Variants in ABCA6 observed in about 807,000 individuals in gnomAD.
ABCA6 encodes the protein ATP binding cassette subfamily A member 6, also known as ATP-binding cassette sub-family A member 6.
In ABCA6, 164 loss-of-function variants were observed where a neutral mutation model predicts 191.2. The ratio of observed to expected loss-of-function variants is 0.86; its 90% CI spans 0.76 to 0.98. The LOEUF (loss-of-function observed/expected upper bound fraction) is 0.98. Ranked by LOEUF, ABCA6 falls within the 50% of genes least tolerant of loss-of-function variation. The pLI is 0.00. For missense variants in ABCA6, 1,958 were observed against 1,894.1 expected, an observed-to-expected ratio of 1.03 and a Z score of -0.63; for synonymous variants, 636 against 647.7, an observed-to-expected ratio of 0.98 and a Z score of 0.27.
At chr17:69,124,765 T>C (rs977472169) in intron 9 of ABCA6, 123 bp downstream of exon 9, 11 of 518,836 alleles carry the variant, frequency 2.1e-5, no homozygotes, top group South Asian at 5.8e-5. Context: ...GTAGAAATAA[T>C]GAACTTATTA....
At chr17:69,079,159 G>T (rs372078713) in intron 38 of ABCA6, 51 bp downstream of exon 38, 9 of 1,581,406 alleles carry the variant, frequency 5.7e-6, no homozygotes, top group Non-Finnish European at 7.8e-6. Context: ...AATGCATGTT[G>T]CTTTCATGTG....
At position 69,106,026 on chromosome 17, in the gene ABCA6, A is replaced by C; in HGVS notation, c.2573+2T>G. ...ACAAAACCACAGTACTCTCCTACTC[A>C]CAGGGTCAATAACACTTTAGTTTGA... On this transcript the variant is annotated splice_donor_variant, in intron 19 of 38. Coordinates refer to ENST00000284425, the MANE Select transcript of ABCA6 (RefSeq NM_080284.3). LOFTEE classifies it high-confidence loss of function. 1 of 1,605,544 alleles carries C rather than the reference A, an allele frequency of 6.2e-7. No homozygotes were observed. The highest frequency in any genetic ancestry group is 8.5e-7 in the Non-Finnish European group (1 of 1,176,306).
Position 69,085,634 on chromosome 17 carries a change from AGTTGGC to A in ABCA6, c.4014_4019del (p.Lys1338_Thr1340delinsAsn), listed in dbSNP as rs1449425501. ...ACCATTTCCTCACTACCTCTCCAGC[AGTTGGC>A]TTTGTGATCCCAGATATCATTCTAA... On this transcript the variant is annotated inframe_deletion, in exon 31 of 39. Coordinates refer to ENST00000284425, the MANE Select transcript of ABCA6 (RefSeq NM_080284.3). 6.2e-7 allele frequency: 1 copy of A among 1,611,324 alleles called. No homozygotes were observed. The highest frequency in any genetic ancestry group is 1.1e-5 in the South Asian group (1 of 90,830).
rs2072912708 is a variant in ABCA6, at chr17:69,091,148, C to T, written c.3523G>A (p.Glu1175Lys). ...CAGTTGGTAACATTTCTTACCACTT[C>T]CAAAAAAGTTTTAAATCCAAGCAAG... ...YTLLGFKTFL[E>K]VRDQEHYREF... Residue 1175 changes from glutamate to lysine, a missense_variant, in exon 26 of 39, where the codon GAA becomes AAA. Glu to Lys is a moderately conservative substitution (Grantham distance 56). Transcript: ENST00000284425. The T allele has an allele frequency of 1.2e-6, 2 of 1,606,142 alleles. No homozygotes were observed. The highest frequency in any genetic ancestry group is 1.7e-6 in the Non-Finnish European group (2 of 1,177,470).
In ABCA6 at chr17:69,113,306, C is replaced by T; in HGVS notation, c.1957G>A (p.Val653Met). Residue 653 changes from valine (V) to methionine (M), a missense_variant, in exon 15 of 39, where the codon GTG becomes ATG. By Grantham distance (21) the Val-to-Met change is conservative. Coordinates refer to ENST00000284425, the MANE Select transcript of ABCA6 (RefSeq NM_080284.3). ...TGLDPFSRDQ[V>M]WSLLRERRAD... ...CTACGCTCTCTCAGGAGGCTCCACACTTGATCTCTGGAAAAGGGATCCAAT... is the reference window on the plus strand; with the variant it reads ...CTACGCTCTCTCAGGAGGCTCCACATTTGATCTCTGGAAAAGGGATCCAAT... The T allele has an allele frequency of 6.3e-7, 1 of 1,597,380 alleles. No homozygotes were observed. Among genetic ancestry groups the T allele is most frequent in the Non-Finnish European group, 8.5e-7 (1 of 1,176,012 alleles).
chr17:69,118,877 C>G (rs963816077), intron 10 of ABCA6, among the ~76,000 whole-genome samples: 1 of 151,960 alleles, frequency 6.6e-6, no homozygotes, highest in African/African-American at 2.4e-5. Context: ...TTTCATTGAT[C>G]TTTAGATTCA....
At position 69,113,686 on chromosome 17, in the gene ABCA6, C is replaced by T. The variant is rs201457575; in HGVS notation, c.1834G>A (p.Ala612Thr). ...TTCTGTCCTTCACTTAAATGTTTAG[C>T]AAGGTTATCTTGAATGTTTTGCATG... ...LDMQNIQDNL[A>T]KHLSEGQKRK... Residue 612 changes from alanine (A) to threonine (T), a missense_variant, in exon 14 of 39, where the codon GCT (alanine) becomes ACT (threonine). Transcript: ENST00000284425. 1 of 1,612,868 alleles carries T rather than the reference C, an allele frequency of 6.2e-7. No homozygotes were observed. The highest frequency in any genetic ancestry group is 2.2e-5 in the East Asian group (1 of 44,806).
At position 69,141,837 on chromosome 17, in the gene ABCA6, T is replaced by G. The variant is rs1282467779; in HGVS notation, c.-138A>C. On this transcript the variant is annotated 5_prime_UTR_variant, in exon 1 of 39. Transcript: ENST00000284425. ...CGATTACAACTTCTTTATTGCTGCT[T>G]CTTCATTTTTTCTTTAAATGGGTGC... The G allele has an allele frequency of 6.6e-6, 1 of 152,088 alleles. No homozygotes were observed. The highest frequency in any genetic ancestry group is 2.4e-5 in the African/African-American group (1 of 41,440). The allele number at this position is 152,088 out of a possible 1,614,324, so 9.4% of individuals were successfully genotyped here.
At chr17:69,136,453 T>C (rs1347186101) in intron 3 of ABCA6, among the ~76,000 whole-genome samples, 1 of 152,192 alleles carries the variant, frequency 6.6e-6, no homozygotes, top group African/African-American at 2.4e-5. Flanking sequence ...AAGAATTACA[T>C]GTTTTATTTT....
intron 16 of ABCA6, 142 bp downstream of exon 16, chr17:69,112,041 T>C (rs2073433129): frequency 4.7e-6 from 3 of 636,400 alleles, no homozygotes; most frequent in Non-Finnish European, 5.5e-6. Flanking sequence ...GGAAGGAAAG[T>C]AAAAAAAAGT....
rs2072572187 is a variant in ABCA6, at chr17:69,079,320, G to T, written c.4697-55C>A. On this transcript the variant is annotated intron_variant, in intron 37 of 38. Coordinates refer to ENST00000284425, the MANE Select transcript of ABCA6 (RefSeq NM_080284.3). Reference sequence around the variant, plus strand: ...GTAGATGCTTACAATTTATTACCAAGAATTTTTTCAAAATCATAAAGAATA... The same window carrying T: ...GTAGATGCTTACAATTTATTACCAATAATTTTTTCAAAATCATAAAGAATA... The T allele has an allele frequency of 6.4e-6, 9 of 1,409,432 alleles. No homozygotes were observed. In the East Asian group the frequency reaches 7.1e-5, roughly 11 times the overall value. 87.3% of individuals were successfully genotyped at this position (1,409,432 alleles called of 1,614,324 possible).
intron 4 of ABCA6, 60 bp downstream of exon 4, chr17:69,136,032 T>C (rs375511293): frequency 6.6e-7 from 1 of 1,513,610 alleles, no homozygotes; most frequent in Non-Finnish European, 9.1e-7. Context: ...CCCAACCTCC[T>C]CTGTTCTTTA....
At chr17:69,125,976 C>T (rs934526387) in intron 8 of ABCA6, among the ~76,000 whole-genome samples, 4 of 152,038 alleles carry the variant, frequency 2.6e-5, no homozygotes, top group African/African-American at 4.8e-5. Context: ...AAGCATCATA[C>T]TTAATGGCAC....
chr17:69,117,673 C>T (rs1323611948), intron 11 of ABCA6, among the ~76,000 whole-genome samples: 1 of 151,956 alleles, frequency 6.6e-6, no homozygotes, highest in Non-Finnish European at 1.5e-5. Context: ...GAAATTACAT[C>T]TTTCATTGTA....
chr17:69,123,180 A>G, intron 10 of ABCA6, 59 bp downstream of exon 10: 1 of 1,136,932 alleles, frequency 8.8e-7, no homozygotes, highest in Non-Finnish European at 1.1e-6. Flanking sequence ...AAAATTAAAA[A>G]TAATAATAAT....
chr17:69,091,349 A>G (rs1283915801), intron 25 of ABCA6, 87 bp from the exon 26 acceptor site: 1 of 1,429,582 alleles, frequency 7.0e-7, no homozygotes, highest in African/African-American at 1.4e-5. Flanking sequence ...TGTTCTCATG[A>G]TGTATATCAT....
At position 69,106,045 on chromosome 17, in the gene ABCA6, A is replaced by C; in HGVS notation, c.2556T>G (p.Thr852=). ...RLRFLKLKRQ[T]KVLLTLLLVF... ...CTACTCACAGGGTCAATAACACTTT[A>C]GTTTGACGTTTTAACTTTAAGAAAC... Residue 852 remains threonine, a synonymous_variant, in exon 19 of 39, where the codon ACT becomes ACG. Coordinates refer to ENST00000284425, the MANE Select transcript of ABCA6 (RefSeq NM_080284.3). 6.2e-7 allele frequency: 1 copy of C among 1,612,380 alleles called. No homozygotes were observed. Among genetic ancestry groups the C allele is most frequent in the South Asian group, 1.1e-5 (1 of 90,660 alleles).
intron 8 of ABCA6, among the ~76,000 whole-genome samples, chr17:69,127,455 G>A (rs936179351): frequency 6.6e-6 from 1 of 151,998 alleles, no homozygotes; most frequent in African/African-American, 2.4e-5. Flanking sequence ...GGAAAAATGG[G>A]CCAAAGAACT....
rs1316544686 is a variant in ABCA6 at position 69,117,910 on chromosome 17, C to T, written c.1483G>A (p.Glu495Lys). The T allele has an allele frequency of 1.9e-6, 3 of 1,577,024 alleles. No homozygotes were observed. Among genetic ancestry groups the T allele is most frequent in the Non-Finnish European group, 2.6e-6 (3 of 1,152,646 alleles). ...TGTTTTTCTTTACCTTTCAATGCTT[C>T]CACTTTTCCAGATTTTCCTTTATAT... is the stretch of plus-strand genomic sequence containing the variant. ...KEYKGKSGKV[E>K]ALKGLLFDIY... The change falls in exon 11 of 39, where the codon GAA (glutamate) becomes AAA (lysine). Residue 495 changes from glutamate (E) to lysine (K), a missense_variant. Physicochemically the swap from Glu to Lys is moderately conservative, Grantham distance 56 (BLOSUM62 1). Transcript: ENST00000284425.
Sources: allele counts gnomAD v4.1 joint callset (sites outside exome capture counted in the v4.1 genomes callset), GRCh38; gene constraint gnomAD v4.1.1; transcripts MANE v1.5; gene names NCBI Gene and HGNC (gene_info 2026-07-23, HGNC 2026-07-21).